GPHN: variants seen among roughly 807,000 people sequenced by gnomAD.
The protein encoded by GPHN is gephyrin.
In GPHN, 17 loss-of-function variants were observed where a neutral mutation model predicts 95.5. The observed-to-expected ratio is 0.18, with a 90% CI of 0.12 to 0.27. The LOEUF (loss-of-function observed/expected upper bound fraction) is 0.27. Ranked by LOEUF, GPHN falls within the 10% of genes least tolerant of loss-of-function variation. GPHN has a pLI of 1.00. For synonymous variants in GPHN, 320 were observed against 322.5 expected (o/e 0.99, Z 0.08); for missense variants, 660 against 978.1 (o/e 0.67, Z 4.34).
the GPHN span, chr14:67,387,521 C>G: frequency 6.5e-7 from 1 of 1,530,670 alleles, no homozygotes; most frequent in Admixed American, 2.0e-5. Flanking sequence ...CATCTTGAAC[C>G]AGCAGAAAGT....
chr14:67,671,435 A>G, the GPHN span, among the ~76,000 whole-genome samples: 3 of 152,312 alleles, frequency 2.0e-5, no homozygotes, highest in African/African-American at 7.2e-5. Flanking sequence ...CTGAGGCATG[A>G]GAATCACTTG....
intron 2 of GPHN, among the ~76,000 whole-genome samples, chr14:66,752,627 A>G (rs1595785849): frequency 6.6e-6 from 1 of 152,186 alleles, no homozygotes; most frequent in East Asian, 1.9e-4. Flanking sequence ...TCAAAGGTTA[A>G]TTATTACAGT....
intron 1 of GPHN, among the ~76,000 whole-genome samples, chr14:66,637,886 T>C (rs1201378008): frequency 1.3e-5 from 2 of 152,140 alleles, no homozygotes; most frequent in African/African-American, 4.8e-5. Flanking sequence ...GGATTCTGTT[T>C]TACTTTTGAG....
intron 1 of GPHN, among the ~76,000 whole-genome samples, chr14:66,530,706 C>A (rs1233947767): frequency 6.6e-6 from 1 of 152,058 alleles, no homozygotes. Flanking sequence ...CCCTTGGCTA[C>A]GGATGGGAAT....
chr14:67,638,235 A>G, the GPHN span, among the ~76,000 whole-genome samples: 6 of 152,128 alleles, frequency 3.9e-5, no homozygotes, highest in African/African-American at 1.4e-4. Flanking sequence ...TATTATGCCT[A>G]TAACTAGCCC....
the GPHN span, among the ~76,000 whole-genome samples, chr14:67,675,736 T>A: frequency 1.3e-5 from 2 of 152,200 alleles, no homozygotes; most frequent in South Asian, 2.1e-4. Flanking sequence ...CTTCATTAGG[T>A]CTCATCTGCC....
chr14:67,629,555 C>T, the GPHN span, among the ~76,000 whole-genome samples: 1 of 152,144 alleles, frequency 6.6e-6, no homozygotes. Context: ...TTAATTATTG[C>T]TTAATGGGTA....
intron 13 of GPHN, among the ~76,000 whole-genome samples, chr14:67,103,511 C>CTTTTTTTTTTTTTTTTTT: frequency 1.9e-5 from 1 of 53,396 alleles, no homozygotes; most frequent in Non-Finnish European, 3.4e-5. Flanking sequence ...GTTTCTTTCT[C>CTTTTTTTTTTTTTTTTTT]TTTTTTTTTT....
At chr14:66,520,300 A>G (rs1365191799) in intron 1 of GPHN, among the ~76,000 whole-genome samples, 1 of 152,176 alleles carries the variant, frequency 6.6e-6, no homozygotes, top group Admixed American at 6.5e-5. Context: ...TCCAATAAGG[A>G]TGTATTAATT....
In GPHN at chr14:66,832,075, AG is replaced by A. The variant is rs2061602140; in HGVS notation, c.294+7511del. Among the ~76,000 whole-genome samples, 6 of 152,320 alleles carry A rather than the reference AG, an allele frequency of 3.9e-5. No homozygotes were observed. The South Asian group carries it at 1.2e-3, about 32-fold the overall frequency. On this transcript the variant is annotated intron_variant, in intron 4 of 22. Transcript: ENST00000478722. ...ATCACGAGAATCACTTGAACCCAGG[AG>A]GCGGAAGTTGCAGTGAGCAAAGATG...
intron 19 of GPHN, among the ~76,000 whole-genome samples, chr14:67,162,898 T>G (rs2082050036): frequency 6.6e-6 from 1 of 152,238 alleles, no homozygotes; most frequent in South Asian, 2.1e-4. Context: ...ACCACATTGC[T>G]TAATCTCTCT....
chr14:67,076,384 T>C (rs1435366998), intron 11 of GPHN, among the ~76,000 whole-genome samples: 1 of 152,234 alleles, frequency 6.6e-6, no homozygotes, highest in Non-Finnish European at 1.5e-5. Flanking sequence ...ATCACTGTAC[T>C]GCAATACTCA....
intron 4 of GPHN, among the ~76,000 whole-genome samples, chr14:66,876,611 A>G (rs2063675897): frequency 1.3e-5 from 2 of 152,224 alleles, no homozygotes; most frequent in African/African-American, 2.4e-5. Flanking sequence ...TGAATACTAT[A>G]AATACCTCTA....
chr14:66,564,121 A>G (rs1489864620), intron 1 of GPHN, among the ~76,000 whole-genome samples: 1 of 152,108 alleles, frequency 6.6e-6, no homozygotes, highest in African/African-American at 2.4e-5. Context: ...GTGATTCCTT[A>G]TTAAATTATA....
At chr14:66,977,900 T>G (rs1309077681) in intron 9 of GPHN, among the ~76,000 whole-genome samples, 2 of 152,212 alleles carry the variant, frequency 1.3e-5, no homozygotes, top group East Asian at 3.8e-4. Flanking sequence ...CTAGAGTTAT[T>G]TATACCTATA....
intron 10 of GPHN, among the ~76,000 whole-genome samples, chr14:67,037,205 C>T (rs762167757): frequency 2.0e-5 from 3 of 151,908 alleles, no homozygotes; most frequent in Non-Finnish European, 2.9e-5. Context: ...CTTCAATAAA[C>T]GTTGTTGGGA....
At chr14:66,674,213 C>T (rs1041281441) in intron 1 of GPHN, among the ~76,000 whole-genome samples, 2 of 152,018 alleles carry the variant, frequency 1.3e-5, no homozygotes, top group Admixed American at 6.6e-5. Context: ...ATTCTCCTGC[C>T]TCAGCCTCCC....
At chr14:66,948,619 ACT>A (rs1351127714) in intron 8 of GPHN, among the ~76,000 whole-genome samples, 6 of 152,194 alleles carry the variant, frequency 3.9e-5, no homozygotes, top group Non-Finnish European at 8.8e-5. Flanking sequence ...CACTGATAAA[ACT>A]TTTTTTTAGG....
intron 1 of GPHN, among the ~76,000 whole-genome samples, chr14:66,645,711 AT>A (rs1475839824): frequency 1.5e-4 from 23 of 151,444 alleles, no homozygotes; most frequent in South Asian, 4.2e-4. Context: ...AAAAAAGAAA[AT>A]TTTTTTTAAA....
Sources: gnomAD v4.1 joint callset for allele counts (sites outside exome capture counted in the v4.1 genomes callset) on GRCh38, gnomAD v4.1.1 for gene constraint, MANE v1.5 for transcripts, NCBI Gene and HGNC (gene_info 2026-07-23, HGNC 2026-07-21) for gene names.